PCBD2: variants seen among roughly 807,000 people sequenced by gnomAD.
PCBD2 encodes the protein pterin-4 alpha-carbinolamine dehydratase 2.
A neutral mutation model predicts 16.4 loss-of-function variants in PCBD2; 12 were observed. That is an observed-to-expected ratio of 0.73 (90% CI 0.47 to 1.19). PCBD2 has a LOEUF of 1.19. Among genes scored for constraint, PCBD2 ranks in the 50% most tolerant of loss-of-function variants. PCBD2 has a pLI of 0.00. For synonymous variants in PCBD2, 58 were observed against 61.8 expected (o/e 0.94, Z 0.29); for missense variants, 138 against 156.8 (o/e 0.88, Z 0.64).
At chr5:134,958,080 G>T (rs1306924252) in intron 2 of PCBD2, among the ~76,000 whole-genome samples, 1 of 152,074 alleles carries the variant, frequency 6.6e-6, no homozygotes, top group East Asian at 1.9e-4. Context: ...TTAAATATTT[G>T]TTTACGTGGG....
rs767495598 is a variant in PCBD2 at position 134,960,568 on chromosome 5, T to C, written c.298-18T>C. ...ATTTGCTGCTCAGAGTTTTAAAAAC[T>C]GCTTTTCTTTTTCTTAGGTCCAGAT... On this transcript the variant is annotated intron_variant, in intron 3 of 3. Coordinates refer to ENST00000254908, the MANE Select transcript of PCBD2 (RefSeq NM_032151.5). The C allele has an allele frequency of 1.9e-6, 3 of 1,550,672 alleles. No homozygotes were observed. Among genetic ancestry groups the C allele is most frequent in the Non-Finnish European group, 2.6e-6 (3 of 1,133,138 alleles).
At chr5:134,948,472 CTGGAGAATAG>C (rs909930409) in intron 2 of PCBD2, among the ~76,000 whole-genome samples, 2 of 152,104 alleles carry the variant, frequency 1.3e-5, no homozygotes, top group African/African-American at 4.8e-5. Context: ...ACCCTGCCAC[CTGGAGAATAG>C]TGGATTTATA....
chr5:134,938,570 A>C (rs1751188607), intron 2 of PCBD2, among the ~76,000 whole-genome samples: 2 of 152,158 alleles, frequency 1.3e-5, no homozygotes, highest in South Asian at 4.1e-4. Flanking sequence ...TTGGGAACAC[A>C]GGATTAGAGT....
intron 2 of PCBD2, chr5:134,926,646 A>C (rs887188507): frequency 5.8e-5 from 23 of 396,648 alleles, no homozygotes; most frequent in African/African-American, 4.7e-4. Context: ...TGTTTTGGTT[A>C]AACTATATTT....
intron 2 of PCBD2, among the ~76,000 whole-genome samples, chr5:134,952,221 A>G (rs1164519511): frequency 6.6e-6 from 1 of 150,746 alleles, no homozygotes; most frequent in African/African-American, 2.4e-5. Flanking sequence ...ATAAAGAATG[A>G]TGCTAAGAAA....
chr5:134,948,195 A>T (rs1337102186), intron 2 of PCBD2, among the ~76,000 whole-genome samples: 4 of 152,242 alleles, frequency 2.6e-5, no homozygotes, highest in African/African-American at 7.2e-5. Context: ...GAAAGAGCTA[A>T]TCAGACTGGG....
At chr5:134,938,182 G>A (rs1263496408) in intron 2 of PCBD2, among the ~76,000 whole-genome samples, 1 of 152,206 alleles carries the variant, frequency 6.6e-6, no homozygotes, top group Non-Finnish European at 1.5e-5. Flanking sequence ...GGTCTGCAGT[G>A]CCTGTAGCTG....
intron 2 of PCBD2, among the ~76,000 whole-genome samples, chr5:134,948,674 G>T (rs1751326250): frequency 1.3e-5 from 2 of 151,012 alleles, no homozygotes; most frequent in South Asian, 4.2e-4. Context: ...TTTTCAATTG[G>T]CTGTGTAGGC....
chr5:134,930,973 A>T (rs1751085653), intron 2 of PCBD2, among the ~76,000 whole-genome samples: 1 of 152,082 alleles, frequency 6.6e-6, no homozygotes. Flanking sequence ...GCTGGAATGC[A>T]GTGGCATGAT....
At chr5:134,906,019 C>G (rs960463621) in intron 1 of PCBD2, among the ~76,000 whole-genome samples, 12 of 151,256 alleles carry the variant, frequency 7.9e-5, no homozygotes, top group African/African-American at 2.9e-4. Context: ...ATTACAGGCG[C>G]GTGCCATTTC....
intron 2 of PCBD2, among the ~76,000 whole-genome samples, chr5:134,958,771 A>G (rs1015059485): frequency 6.6e-6 from 1 of 152,228 alleles, no homozygotes; most frequent in South Asian, 2.1e-4. Context: ...CCTGAGGACA[A>G]TTAAATAGTC....
chr5:134,962,039 G>A lies in PCBD2; in HGVS notation c.*1358G>A, dbSNP rs896663384. Among the ~76,000 whole-genome samples, 4 of 151,346 alleles carry A rather than the reference G, an allele frequency of 2.6e-5. No homozygotes were observed. Among genetic ancestry groups the A allele is most frequent in the South Asian group, 2.1e-4 (1 of 4,810 alleles). ...GCCTCCCAAAGTCCAAGGATTACAG[G>A]TGTGAGCCATTGCCCCCAGCCAGTA... On this transcript the variant is annotated 3_prime_UTR_variant, in exon 4 of 4. Transcript: ENST00000254908.
chr5:134,926,486 T>C, intron 2 of PCBD2: 1 of 394,662 alleles, frequency 2.5e-6, no homozygotes, highest in Non-Finnish European at 4.5e-6. Context: ...TGCACCAAAA[T>C]TTTTGGGGCC....
chr5:134,958,502 A>G (rs561626742), intron 2 of PCBD2, among the ~76,000 whole-genome samples: 4 of 152,294 alleles, frequency 2.6e-5, no homozygotes, highest in South Asian at 4.1e-4. Flanking sequence ...CTAGGTGCCA[A>G]TAGTCTTTGA....
chr5:134,948,048 A>G (rs902466116), intron 2 of PCBD2, among the ~76,000 whole-genome samples: 1 of 151,932 alleles, frequency 6.6e-6, no homozygotes. Flanking sequence ...AGTTATTTTG[A>G]CACCAGGGAA....
At position 134,956,614 on chromosome 5, in the gene PCBD2, T is replaced by C. The variant is rs1170589560; in HGVS notation, c.217-2426T>C. 3.9e-5 allele frequency among the ~76,000 whole-genome samples: 6 copies of C among 152,242 alleles called. No individual in the cohort carries two copies. In the East Asian group the frequency reaches 1.2e-3, roughly 29 times the overall value. On this transcript the variant is annotated intron_variant, in intron 2 of 3. Coordinates refer to ENST00000254908, the MANE Select transcript of PCBD2 (RefSeq NM_032151.5). ...TCATAATTTCTTGCCATTAAGCTGC[T>C]TTCCCCAGTCAGTGTGCATCAGGAT...
At chr5:134,916,056 A>T (rs1388204497) in intron 2 of PCBD2, among the ~76,000 whole-genome samples, 3 of 152,130 alleles carry the variant, frequency 2.0e-5, no homozygotes, top group Non-Finnish European at 4.4e-5. Context: ...TGGGAGGCCG[A>T]GTTGAGTGGG....
At chr5:134,924,317 TG>T in intron 2 of PCBD2, 1 of 395,648 alleles carries the variant, frequency 2.5e-6, no homozygotes, top group Non-Finnish European at 4.5e-6. Flanking sequence ...GAATGATGGT[TG>T]TTTTTGGATA....
intron 2 of PCBD2, among the ~76,000 whole-genome samples, chr5:134,931,101 G>A (rs1348703799): frequency 6.6e-6 from 1 of 151,862 alleles, no homozygotes; most frequent in Non-Finnish European, 1.5e-5. Context: ...TTTATTTTTA[G>A]TAAAGACAGG....
Sources: gnomAD v4.1 joint callset for allele counts (sites outside exome capture counted in the v4.1 genomes callset) on GRCh38, gnomAD v4.1.1 for gene constraint, MANE v1.5 for transcripts, NCBI Gene and HGNC (gene_info 2026-07-23, HGNC 2026-07-21) for gene names.